The following IPO9 variants were observed in gnomAD, a reference collection of about 807,000 sequenced individuals.
IPO9 encodes importin 9.
In IPO9, 28 loss-of-function variants were observed where a neutral mutation model predicts 128.6. That is an observed-to-expected ratio of 0.22 (90% confidence interval 0.16 to 0.30). The LOEUF is 0.30. Among genes scored for constraint, IPO9 ranks in the 10% least tolerant of loss-of-function variants. The pLI is 1.00. For missense variants in IPO9, 935 were observed against 1,293.9 expected (o/e 0.72, Z 4.26); for synonymous variants, 455 against 475.8 (o/e 0.96, Z 0.57).
intron 1 of IPO9, among the ~76,000 whole-genome samples, chr1:201,839,594 T>C (rs1054925429): frequency 6.7e-6 from 1 of 148,550 alleles, no homozygotes; most frequent in Non-Finnish European, 1.5e-5. Context: ...AGTGCTGCTA[T>C]GACTGTGTAG....
intron 9 of IPO9, 132 bp downstream of exon 9, chr1:201,855,314 G>A (rs963174565): frequency 1.7e-6 from 1 of 585,736 alleles, no homozygotes; most frequent in Non-Finnish European, 3.1e-6. Flanking sequence ...GTTTATTTTC[G>A]ATGTATTCGA....
chr1:201,875,827 G>A (rs1320760820), intron 23 of IPO9, 117 bp from the exon 24 acceptor site: 1 of 710,604 alleles, frequency 1.4e-6, no homozygotes, highest in Non-Finnish European at 2.5e-6. Context: ...ATCCCTCAGG[G>A]AGCTGGCATT....
intron 14 of IPO9, among the ~76,000 whole-genome samples, chr1:201,864,339 TCTG>T (rs879293119): frequency 7.9e-5 from 12 of 152,360 alleles, no homozygotes; most frequent in Middle Eastern, 3.4e-3. Flanking sequence ...CCCATCTTTT[TCTG>T]CTTCAATCTA....
chr1:201,841,177 C>G (rs1016901496), intron 1 of IPO9, among the ~76,000 whole-genome samples: 1 of 151,900 alleles, frequency 6.6e-6, no homozygotes, highest in African/African-American at 2.4e-5. Flanking sequence ...GAAGAACTAA[C>G]CTAAGTAACT....
intron 13 of IPO9, among the ~76,000 whole-genome samples, chr1:201,863,131 A>C (rs1680480631): frequency 6.6e-6 from 1 of 152,176 alleles, no homozygotes; most frequent in Non-Finnish European, 1.5e-5. Context: ...CAGACAGATC[A>C]CTTGAGGTCC....
intron 5 of IPO9, among the ~76,000 whole-genome samples, chr1:201,852,557 A>C (rs112568368): frequency 7.2e-5 from 11 of 152,188 alleles, no homozygotes; most frequent in African/African-American, 2.7e-4. Flanking sequence ...ATTGCACATA[A>C]TAGACCCTTA....
rs776234951 is a variant in IPO9, at chr1:201,855,982, A to G, written c.1122+48A>G. On this transcript the variant is annotated intron_variant, in intron 10 of 23. Transcript: ENST00000361565. The stretch of plus-strand genomic sequence containing the variant: ...TTACCATCTTGTATTTGGAAAGTGC[A>G]ACTTGAAGAATATGAGGTCTTGGTC... 3.5e-6 allele frequency: 5 copies of G among 1,435,198 alleles called. No homozygotes were observed. The South Asian group carries it at 5.3e-5, about 15-fold the overall frequency. 88.9% of individuals were successfully genotyped at this position (1,435,198 alleles called of 1,614,324 possible).
rs537664583 is a variant in IPO9, at chr1:201,864,424, C to G, written c.1628+817C>G. ...AGAGGCAAACTAAGTATAGCTTTTT[C>G]AGAAAGCTCTAACACCATTTTAAAT... is the stretch of plus-strand genomic sequence containing the variant. On this transcript the variant is annotated intron_variant, in intron 14 of 23. Coordinates refer to ENST00000361565, the MANE Select transcript of IPO9 (RefSeq NM_018085.5). Among the ~76,000 whole-genome samples the G allele has an allele frequency of 1.2e-4, 18 of 152,290 alleles. 1 individual carries two copies. The South Asian group carries it at 3.7e-3, about 32-fold the overall frequency.
intron 15 of IPO9, 36 bp downstream of exon 15, chr1:201,866,995 CA>C: frequency 1.3e-6 from 2 of 1,512,792 alleles, no homozygotes; most frequent in Non-Finnish European, 1.8e-6. Flanking sequence ...TGAGGGGCAC[CA>C]AAGAAAAGGT....
chr1:201,881,074 T>C lies in IPO9; in HGVS notation c.*5020T>C, dbSNP rs1045242724. On this transcript the variant is annotated 3_prime_UTR_variant, in exon 24 of 24. Transcript: ENST00000361565. ...TCTGTAGTATAATAAATGTGGGGAG[T>C]GCTGTGAGAGAAATAAGTGTACTGG... 3 of 151,932 alleles carry C rather than the reference T, an allele frequency of 2.0e-5. No individual in the cohort carries two copies. Among genetic ancestry groups the C allele is most frequent in the African/African-American group, 7.3e-5 (3 of 41,352 alleles). 9.4% of individuals were successfully genotyped at this position (151,932 alleles called of 1,614,324 possible).
intron 1 of IPO9, among the ~76,000 whole-genome samples, chr1:201,836,744 T>C (rs1679948382): frequency 1.3e-5 from 2 of 152,226 alleles, no homozygotes; most frequent in Admixed American, 1.3e-4. Flanking sequence ...AATTTTGTAT[T>C]TTCCCTCTTT....
chr1:201,875,029 G>A, intron 22 of IPO9, 93 bp downstream of exon 22: 3 of 1,333,696 alleles, frequency 2.2e-6, no homozygotes, highest in Non-Finnish European at 3.2e-6. Flanking sequence ...GGAGAGGTGG[G>A]CCCACAGGGA....
rs184183487 is a variant in IPO9, at chr1:201,839,602, T to C, written c.164-7677T>C. On this transcript the variant is annotated intron_variant, in intron 1 of 23. Coordinates refer to ENST00000361565, the MANE Select transcript of IPO9 (RefSeq NM_018085.5). ...AAAAAAAAGTGCTGCTATGACTGTG[T>C]AGCCATTTGGAATTAGACCCATATC... is the stretch of plus-strand genomic sequence containing the variant. 4.1e-3 allele frequency among the ~76,000 whole-genome samples: 614 copies of C among 149,732 alleles called. 4 individuals carry two copies. The highest frequency in any genetic ancestry group is 5.4e-3 in the Non-Finnish European group (363 of 67,676).
At chr1:201,857,005 A>G (rs1680340784) in intron 10 of IPO9, 91 bp from the exon 11 acceptor site, 1 of 868,802 alleles carries the variant, frequency 1.2e-6, no homozygotes, top group Admixed American at 1.8e-5. Flanking sequence ...GAGTTTTTTC[A>G]GGATAATAGG....
Position 201,831,890 on chromosome 1 carries a change from TG to T in IPO9, c.163+2519del, listed in dbSNP as rs1158446848. ...ACATTTTAGTGTTTTTTGCTTTTGTTGTTGTTGTTGTTGTTGTTGTTGTTGT... is the reference window on the plus strand; with the variant it reads ...ACATTTTAGTGTTTTTTGCTTTTGTTTTGTTGTTGTTGTTGTTGTTGTTGT... On this transcript the variant is annotated intron_variant, in intron 1 of 23. Coordinates refer to ENST00000361565, the MANE Select transcript of IPO9 (RefSeq NM_018085.5). 1.3e-3 allele frequency among the ~76,000 whole-genome samples: 187 copies of T among 149,410 alleles called. 1 individual carries two copies. Among genetic ancestry groups the T allele is most frequent in the Admixed American group, 2.5e-3 (38 of 15,146 alleles).
chr1:201,856,545 C>G (rs1377335390), intron 10 of IPO9, among the ~76,000 whole-genome samples: 1 of 152,186 alleles, frequency 6.6e-6, no homozygotes, highest in African/African-American at 2.4e-5. Context: ...TGGCAGAGAG[C>G]TAGTAATCAG....
chr1:201,870,215 G>C lies in IPO9; in HGVS notation c.2134-368G>C, dbSNP rs1212449075. On this transcript the variant is annotated intron_variant, in intron 17 of 23. Coordinates refer to ENST00000361565, the MANE Select transcript of IPO9 (RefSeq NM_018085.5). This position sits in a 1 kb window ranked among gnomAD's most constrained non-coding sequence, Gnocchi z 4.9. ...GAAATCCCTAGGCAACTAGTGGTTT[G>C]TGTAAGACCTATATAAAGACCTACA... Among the ~76,000 whole-genome samples the C allele has an allele frequency of 6.6e-6, 1 of 152,198 alleles. No homozygotes were observed. The highest frequency in any genetic ancestry group is 2.4e-5 in the African/African-American group (1 of 41,450).
chr1:201,881,122 A>C lies in IPO9; in HGVS notation c.*5068A>C, dbSNP rs912674724. On this transcript the variant is annotated 3_prime_UTR_variant, in exon 24 of 24. Coordinates refer to ENST00000361565, the MANE Select transcript of IPO9 (RefSeq NM_018085.5). Reference sequence around the variant, plus strand: ...TGGGTTTAGTTCCCACTGCCCAAAAAAGGAACTGGCTAATGGTAACCTGGG... The same window carrying C: ...TGGGTTTAGTTCCCACTGCCCAAAACAGGAACTGGCTAATGGTAACCTGGG... 2 of 152,200 alleles carry C rather than the reference A, an allele frequency of 1.3e-5. No individual in the cohort carries two copies. Among genetic ancestry groups the C allele is most frequent in the Admixed American group, 1.3e-4 (2 of 15,276 alleles). The allele number at this position is 152,200 out of a possible 1,614,324, so 9.4% of individuals were successfully genotyped here. A position where few individuals can be genotyped will look rare whatever the true frequency, so the allele number is the denominator to read the frequency against.
intron 23 of IPO9, 28 bp from the exon 24 acceptor site, chr1:201,875,916 C>A: frequency 7.1e-7 from 1 of 1,410,580 alleles, no homozygotes; most frequent in Non-Finnish European, 1.0e-6. Flanking sequence ...CAATGTCTCA[C>A]TAATGCCACT....
Sources: gnomAD v4.1 joint callset for allele counts (sites outside exome capture counted in the v4.1 genomes callset) on GRCh38, gnomAD v4.1.1 for gene constraint, Gnocchi (gnomAD v3.1) non-coding constraint, MANE v1.5 for transcripts, NCBI Gene and HGNC (gene_info 2026-07-23, HGNC 2026-07-21) for gene names.